LINGO2: variants seen among roughly 807,000 people sequenced by gnomAD.
LINGO2 encodes leucine-rich repeat and immunoglobulin-like domain-containing nogo receptor-interacting protein 2.
LINGO2 carries 14 observed loss-of-function variants against 30.6 expected under a neutral mutation model. The observed-to-expected ratio is 0.46, with a 90% confidence interval of 0.30 to 0.72. The LOEUF is 0.72. LINGO2 is among the 30% of genes least tolerant of loss of function. LINGO2 has a pLI of 0.07. For missense variants in LINGO2, 729 were observed against 751.7 expected, an observed-to-expected ratio of 0.97 and a Z score of 0.35; for synonymous variants, 317 against 288.5, an observed-to-expected ratio of 1.10 and a Z score of -1.00.
At chr9:29,128,495 G>T in the LINGO2 span, among the ~76,000 whole-genome samples, 2 of 152,136 alleles carry the variant, frequency 1.3e-5, no homozygotes, top group Admixed American at 1.3e-4. Flanking sequence ...GTTTGCTGTT[G>T]AATGGGAAAG....
At chr9:27,946,898 A>C (rs1462616848), downstream of LINGO2, among the ~76,000 whole-genome samples, 1 of 152,134 alleles carries the variant, frequency 6.6e-6, no homozygotes, top group African/African-American at 2.4e-5. Flanking sequence ...TCTGATTGGC[A>C]AAATAATTTC....
the LINGO2 span, among the ~76,000 whole-genome samples, chr9:29,171,947 T>C: frequency 4.6e-5 from 7 of 151,982 alleles, no homozygotes; most frequent in African/African-American, 1.7e-4. Flanking sequence ...GTAATAAACA[T>C]ACAAAAGTAT....
At chr9:28,605,804 A>G (rs113851324) in intron 1 of LINGO2, among the ~76,000 whole-genome samples, 5 of 152,124 alleles carry the variant, frequency 3.3e-5, no homozygotes, top group African/African-American at 9.6e-5. Context: ...ACACAGCCAC[A>G]TCCACTCATT....
the LINGO2 span, among the ~76,000 whole-genome samples, chr9:28,891,356 A>G: frequency 1.3e-5 from 2 of 151,992 alleles, no homozygotes; most frequent in Non-Finnish European, 2.9e-5. Context: ...TATCATTCTT[A>G]TCAGCATTAT....
intron 1 of LINGO2, among the ~76,000 whole-genome samples, chr9:28,567,731 C>T (rs192839151): frequency 6.6e-6 from 1 of 152,002 alleles, no homozygotes; most frequent in Non-Finnish European, 1.5e-5. Context: ...TCATTAGAAG[C>T]ACAAACCTCA....
the LINGO2 span, among the ~76,000 whole-genome samples, chr9:28,730,119 G>T: frequency 6.6e-6 from 1 of 152,122 alleles, no homozygotes; most frequent in South Asian, 2.1e-4. Flanking sequence ...TCTCAAAAAT[G>T]TATCTGCCAT....
chr9:28,680,464 G>T, the LINGO2 span, among the ~76,000 whole-genome samples: 1 of 151,972 alleles, frequency 6.6e-6, no homozygotes, highest in African/African-American at 2.4e-5. Context: ...TTATTTCCTT[G>T]GGATATATAC....
At chr9:28,028,004 T>C (rs1823467363) in intron 4 of LINGO2, among the ~76,000 whole-genome samples, 3 of 152,198 alleles carry the variant, frequency 2.0e-5, no homozygotes, top group Non-Finnish European at 4.4e-5. Context: ...ATGGAGGTTT[T>C]TTCTTGACCA....
chr9:28,531,048 A>AAC (rs1554733108), intron 1 of LINGO2, among the ~76,000 whole-genome samples: 1 of 146,454 alleles, frequency 6.8e-6, no homozygotes, highest in Non-Finnish European at 1.5e-5. Context: ...TATAAAAATA[A>AAC]ATATATATAT....
chr9:27,960,614 C>CTTTTTTTTTTT (rs540319420), intron 5 of LINGO2, among the ~76,000 whole-genome samples: 1 of 122,314 alleles, frequency 8.2e-6, no homozygotes, highest in Non-Finnish European at 1.8e-5. Context: ...TGTGGTATAT[C>CTTTTTTTTTTT]TTTTTTTTTT....
chr9:28,054,631 A>C (rs1318968331), intron 4 of LINGO2, among the ~76,000 whole-genome samples: 1 of 152,152 alleles, frequency 6.6e-6, no homozygotes, highest in Non-Finnish European at 1.5e-5. Flanking sequence ...AGTGAACAAA[A>C]ACAGAGCAGG....
At chr9:28,026,908 T>C (rs1823405229) in intron 4 of LINGO2, among the ~76,000 whole-genome samples, 1 of 152,194 alleles carries the variant, frequency 6.6e-6, no homozygotes, top group Admixed American at 6.5e-5. Context: ...TTCAAGGCTT[T>C]TTCACGACCT....
the LINGO2 span, among the ~76,000 whole-genome samples, chr9:28,676,641 G>A: frequency 6.6e-6 from 1 of 152,128 alleles, no homozygotes; most frequent in Non-Finnish European, 1.5e-5. Context: ...TGGTGTTGGT[G>A]GTGGTGGTGG....
intron 4 of LINGO2, among the ~76,000 whole-genome samples, chr9:28,086,859 A>G (rs1825930446): frequency 7.0e-6 from 1 of 143,422 alleles, no homozygotes; most frequent in Admixed American, 7.8e-5. Flanking sequence ...TTAAATAGCA[A>G]GTATTCTAGA....
At chr9:28,433,947 C>CTATATATATATATATATATATATATA (rs1417650474) in intron 2 of LINGO2, among the ~76,000 whole-genome samples, 2 of 61,034 alleles carry the variant, frequency 3.3e-5, no homozygotes, top group Admixed American at 1.9e-4. Context: ...CTCTCTCTCT[C>CTATATATATATATATATATATATATA]TCTATATATA....
At chr9:28,345,096 A>G (rs1819516723) in intron 3 of LINGO2, among the ~76,000 whole-genome samples, 1 of 152,016 alleles carries the variant, frequency 6.6e-6, no homozygotes, top group African/African-American at 2.4e-5. Flanking sequence ...GTGTTAAGAA[A>G]AAAAAAAAGA....
the LINGO2 span, among the ~76,000 whole-genome samples, chr9:29,033,176 C>T: frequency 1.3e-4 from 20 of 151,960 alleles, no homozygotes; most frequent in African/African-American, 4.6e-4. Flanking sequence ...CTCATGTGAA[C>T]GATGTATGCC....
At chr9:28,169,739 G>T (rs954729735) in intron 4 of LINGO2, among the ~76,000 whole-genome samples, 1 of 152,268 alleles carries the variant, frequency 6.6e-6, no homozygotes, top group Admixed American at 6.5e-5. Context: ...ATTGAGAAAT[G>T]GAAAGGTAGC....
chr9:28,513,478 T>C (rs1820497740), intron 1 of LINGO2, among the ~76,000 whole-genome samples: 2 of 152,338 alleles, frequency 1.3e-5, no homozygotes, highest in South Asian at 2.1e-4. Context: ...ATCTCACTGA[T>C]TACATTTAAG....
Sources: allele counts gnomAD v4.1 joint callset (sites outside exome capture counted in the v4.1 genomes callset), GRCh38; gene constraint gnomAD v4.1.1; transcripts MANE v1.5; gene names NCBI Gene and HGNC (gene_info 2026-07-23, HGNC 2026-07-21).